CTNNA3: variants seen among roughly 807,000 people sequenced by gnomAD.
The protein encoded by CTNNA3 is catenin alpha-3.
In CTNNA3, 76 loss-of-function variants were observed where a neutral mutation model predicts 95.7. The observed-to-expected ratio is 0.79, with a 90% CI of 0.66 to 0.96. The LOEUF (loss-of-function observed/expected upper bound fraction) is 0.96. Among genes scored for constraint, CTNNA3 ranks in the 40% least tolerant of loss-of-function variants. CTNNA3 has a pLI of 0.00. For missense variants in CTNNA3, 1,191 were observed against 1,089.8 expected (o/e 1.09, Z -1.31); for synonymous variants, 431 against 374.4 (o/e 1.15, Z -1.74).
At position 67,055,955 on chromosome 10, in the gene CTNNA3, A is replaced by G. The variant is rs566919174; in HGVS notation, c.1047+124362T>C. Reference sequence around the variant, plus strand: ...TCAGGTTTTATTTACACTGATGATAATGTGTTTCCTCATGAGCATAATACT... The same window carrying G: ...TCAGGTTTTATTTACACTGATGATAGTGTGTTTCCTCATGAGCATAATACT... On this transcript the variant is annotated intron_variant, in intron 7 of 17. Transcript: ENST00000433211. Among the ~76,000 whole-genome samples, 31 of 152,220 alleles carry G rather than the reference A, an allele frequency of 2.0e-4. 1 individual carries two copies. The South Asian group carries it at 6.4e-3, about 32-fold the overall frequency.
intron 11 of CTNNA3, among the ~76,000 whole-genome samples, chr10:66,440,221 G>T (rs1339455289): frequency 1.3e-5 from 2 of 152,122 alleles, no homozygotes; most frequent in Non-Finnish European, 2.9e-5. Context: ...CAGGAAAAAT[G>T]ATATCTTTGT....
At chr10:66,291,664 T>C (rs1332882667) in intron 12 of CTNNA3, among the ~76,000 whole-genome samples, 1 of 152,078 alleles carries the variant, frequency 6.6e-6, no homozygotes, top group African/African-American at 2.4e-5. Flanking sequence ...TAGTTGTTAT[T>C]GTTTGTCACC....
At chr10:66,931,192 T>TAAAAAAAAA in intron 7 of CTNNA3, among the ~76,000 whole-genome samples, 1 of 118,712 alleles carries the variant, frequency 8.4e-6, no homozygotes, top group Non-Finnish European at 1.7e-5. Context: ...TGACAACAGT[T>TAAAAAAAAA]AAAAAAAAAA....
Position 67,174,924 on chromosome 10 carries a change from C to T in CTNNA3, c.1047+5393G>A, listed in dbSNP as rs549068223. Among the ~76,000 whole-genome samples the T allele has an allele frequency of 2.6e-3, 400 of 152,106 alleles. 9 individuals are homozygous for T. Among genetic ancestry groups the T allele is most frequent in the Middle Eastern group, 0.024 (7 of 294 alleles). ...TTTAAGTTATCCAGATATCTGTAAA[C>T]TGAAAAACATTATCTCTAACCAAAT... On this transcript the variant is annotated intron_variant, in intron 7 of 17. Coordinates refer to ENST00000433211, the MANE Select transcript of CTNNA3 (RefSeq NM_013266.4).
At chr10:66,133,595 A>G (rs1048304582) in intron 13 of CTNNA3, among the ~76,000 whole-genome samples, 9 of 147,434 alleles carry the variant, frequency 6.1e-5, no homozygotes, top group East Asian at 5.9e-4. Flanking sequence ...AATATCCTGG[A>G]AAAAAAAAAA....
chr10:67,388,943 C>A lies in CTNNA3; in HGVS notation c.579+132899G>T, dbSNP rs552853270. ...CATGGAAAGGAACAACCAGTACCAG[C>A]CGCTGCAAAATCATGCCAAAATGTA... On this transcript the variant is annotated intron_variant, in intron 5 of 17. Coordinates refer to ENST00000433211, the MANE Select transcript of CTNNA3 (RefSeq NM_013266.4). Among the ~76,000 whole-genome samples the A allele has an allele frequency of 3.3e-5, 5 of 152,232 alleles. No homozygotes were observed. The East Asian group carries it at 9.6e-4, about 29-fold the overall frequency.
intron 9 of CTNNA3, among the ~76,000 whole-genome samples, chr10:66,640,567 C>T (rs974285369): frequency 1.3e-5 from 2 of 152,114 alleles, no homozygotes; most frequent in Non-Finnish European, 2.9e-5. Flanking sequence ...GAAGATTACT[C>T]CCCAGTAAAT....
At chr10:67,200,716 A>G (rs892343079) in intron 6 of CTNNA3, among the ~76,000 whole-genome samples, 19 of 152,160 alleles carry the variant, frequency 1.2e-4, no homozygotes, top group Admixed American at 4.6e-4. Context: ...CCCTTTCCTC[A>G]TTAACTCCCT....
At chr10:67,607,123 A>G in intron 2 of CTNNA3, 74 bp from the exon 3 acceptor site, 1 of 1,208,200 alleles carries the variant, frequency 8.3e-7, no homozygotes, top group Non-Finnish European at 1.2e-6. Context: ...ATTACAGACC[A>G]GAACAAAAGA....
chr10:66,360,787 TCC>T (rs761035899), intron 12 of CTNNA3, among the ~76,000 whole-genome samples: 3,626 of 51,904 alleles, frequency 0.07, 409 homozygotes, highest in Non-Finnish European at 0.098. Context: ...CTTTCTTTCT[TCC>T]TTCCTTCCTT....
Position 65,982,711 on chromosome 10 carries a change from GTATA to G in CTNNA3, c.2265+5977_2265+5980del, listed in dbSNP as rs144544149. On this transcript the variant is annotated intron_variant, in intron 16 of 17. Transcript: ENST00000433211. ...TATATATATATGTGTGTGTGTGTGT[GTATA>G]TATATATATTCATGTAACCAAACAC... is the stretch of plus-strand genomic sequence containing the variant. 2.7e-5 allele frequency among the ~76,000 whole-genome samples: 4 copies of G among 148,274 alleles called. No homozygotes were observed. In the South Asian group the frequency reaches 6.4e-4, roughly 24 times the overall value.
At chr10:66,341,105 T>C (rs1407427618) in intron 12 of CTNNA3, among the ~76,000 whole-genome samples, 1 of 151,828 alleles carries the variant, frequency 6.6e-6, no homozygotes, top group African/African-American at 2.4e-5. Context: ...TCATGGTGAT[T>C]GTCAGGGATG....
intron 5 of CTNNA3, among the ~76,000 whole-genome samples, chr10:67,307,984 G>C (rs1840626007): frequency 6.6e-6 from 1 of 152,170 alleles, no homozygotes; most frequent in Non-Finnish European, 1.5e-5. Context: ...CTACCACTAA[G>C]AGGAATAACA....
chr10:67,391,179 C>T (rs1408967395), intron 5 of CTNNA3, among the ~76,000 whole-genome samples: 4 of 152,054 alleles, frequency 2.6e-5, no homozygotes, highest in Non-Finnish European at 5.9e-5. Flanking sequence ...CCAAAATCTC[C>T]TTAAGCTGAT....
chr10:66,659,732 CAGTT>C (rs1251274446), intron 9 of CTNNA3, among the ~76,000 whole-genome samples: 1 of 152,068 alleles, frequency 6.6e-6, no homozygotes, highest in Admixed American at 6.6e-5. Context: ...TGTGAGGACA[CAGTT>C]AGAAAGTATT....
At chr10:66,236,810 T>C (rs529271195) in intron 13 of CTNNA3, among the ~76,000 whole-genome samples, 47 of 151,994 alleles carry the variant, frequency 3.1e-4, no homozygotes, top group African/African-American at 8.0e-4. Context: ...TAGCTGCATA[T>C]AGTTGATAAA....
chr10:66,440,855 C>T (rs2093370304), intron 11 of CTNNA3, among the ~76,000 whole-genome samples: 2 of 152,070 alleles, frequency 1.3e-5, no homozygotes, highest in Non-Finnish European at 2.9e-5. Flanking sequence ...GCTAAATAAA[C>T]ATTTGTTATT....
chr10:66,779,516 C>T (rs1589246290), intron 7 of CTNNA3, among the ~76,000 whole-genome samples: 1 of 150,014 alleles, frequency 6.7e-6, no homozygotes, highest in East Asian at 1.9e-4. Context: ...ACCACCATGC[C>T]TGGCTTATTT....
chr10:67,281,988 G>A (rs922071034), intron 5 of CTNNA3, among the ~76,000 whole-genome samples: 7 of 152,042 alleles, frequency 4.6e-5, no homozygotes, highest in East Asian at 3.9e-4. Context: ...ATATGACAAC[G>A]CAGAGAGAGT....
Sources: allele counts gnomAD v4.1 joint callset (sites outside exome capture counted in the v4.1 genomes callset), GRCh38; gene constraint gnomAD v4.1.1; transcripts MANE v1.5; gene names NCBI Gene and HGNC (gene_info 2026-07-23, HGNC 2026-07-21).